PFKFB3: variants seen among roughly 807,000 people sequenced by gnomAD.
The protein encoded by PFKFB3 is 6-phosphofructo-2-kinase/fructose-2,6-bisphosphatase 3.
A neutral mutation model predicts 68.0 loss-of-function variants in PFKFB3; 33 were observed. The observed-to-expected ratio is 0.49, with a 90% CI of 0.37 to 0.65. PFKFB3 has a LOEUF of 0.65. Ranked by LOEUF, PFKFB3 falls within the 30% of genes least tolerant of loss-of-function variation. PFKFB3 has a pLI of 0.00. For synonymous variants in PFKFB3, 315 were observed against 288.2 expected (o/e 1.09, Z -0.94); for missense variants, 586 against 712.2 (o/e 0.82, Z 2.02).
chr10:6,218,087 G>C (rs1179825591), intron 6 of PFKFB3, among the ~76,000 whole-genome samples: 1 of 152,208 alleles, frequency 6.6e-6, no homozygotes, highest in African/African-American at 2.4e-5. Flanking sequence ...GATTTGTCCA[G>C]TGGGAGCAGG....
the PFKFB3 span, among the ~76,000 whole-genome samples, chr10:6,306,299 A>C: frequency 6.6e-6 from 1 of 152,248 alleles, no homozygotes; most frequent in Non-Finnish European, 1.5e-5. Flanking sequence ...AACCCTATGC[A>C]TCTATCAAAG....
At chr10:6,278,483 T>C in the PFKFB3 span, among the ~76,000 whole-genome samples, 1 of 151,526 alleles carries the variant, frequency 6.6e-6, no homozygotes, top group Admixed American at 6.6e-5. Context: ...CACCATGTTG[T>C]TCAGGCTGGT....
At chr10:6,219,457 T>C (rs928902504) in intron 6 of PFKFB3, 112 bp from the exon 7 acceptor site, 1 of 1,172,436 alleles carries the variant, frequency 8.5e-7, no homozygotes, top group East Asian at 2.4e-5. Context: ...GGCCGGATAA[T>C]CTTTATACTG....
At chr10:6,230,901 A>C (rs1845696161) in intron 14 of PFKFB3, among the ~76,000 whole-genome samples, 1 of 152,034 alleles carries the variant, frequency 6.6e-6, no homozygotes, top group East Asian at 1.9e-4. Context: ...TTTTTAGTAG[A>C]GATGGGGTTT....
At chr10:6,230,608 T>G (rs59400494) in intron 14 of PFKFB3, among the ~76,000 whole-genome samples, 2,306 of 152,072 alleles carry the variant, frequency 0.015, 56 homozygotes, top group African/African-American at 0.053. Context: ...TGGCATTGGG[T>G]CAGCCTTTGG....
At position 6,203,184 on chromosome 10, in the gene PFKFB3, CG is replaced by C. The variant is rs949346012; in HGVS notation, c.-72del. ...CACGCCCCCCTCTCCTCCTTTGTTC[CG>C]GGGGTCGGCGGCCGCTCTCCTGCCA... On this transcript the variant is annotated 5_prime_UTR_variant, in exon 1 of 15. Transcript: ENST00000379775. 11 of 1,558,306 alleles carry C rather than the reference CG, an allele frequency of 7.1e-6. No homozygotes were observed. The highest frequency in any genetic ancestry group is 1.4e-5 in the African/African-American group (1 of 72,512).
intron 2 of PFKFB3, among the ~76,000 whole-genome samples, chr10:6,214,446 G>A (rs761673407): frequency 2.6e-5 from 4 of 152,096 alleles, no homozygotes; most frequent in Non-Finnish European, 5.9e-5. Flanking sequence ...TGTTGTGGAT[G>A]ACACATTTAA....
chr10:6,279,170 A>G, the PFKFB3 span, among the ~76,000 whole-genome samples: 1 of 152,322 alleles, frequency 6.6e-6, no homozygotes, highest in East Asian at 1.9e-4. Flanking sequence ...TATCCCTCCA[A>G]TGAGGACATA....
At chr10:6,275,012 T>C in the PFKFB3 span, among the ~76,000 whole-genome samples, 1 of 152,158 alleles carries the variant, frequency 6.6e-6, no homozygotes, top group African/African-American at 2.4e-5. This position sits in a 1 kb window ranked among gnomAD's most constrained non-coding sequence, Gnocchi z 4.9. Context: ...CCACCCAAGT[T>C]TACATATTCT....
chr10:6,243,786 C>T (rs541395022), intron 14 of PFKFB3, among the ~76,000 whole-genome samples: 7 of 152,284 alleles, frequency 4.6e-5, no homozygotes, highest in African/African-American at 1.7e-4. Context: ...TGCAGTGGCA[C>T]GATTATAGCT....
intron 1 of PFKFB3, among the ~76,000 whole-genome samples, chr10:6,155,205 C>CTTTTT (rs55673645): frequency 0.016 from 2,157 of 132,334 alleles, 106 homozygotes; most frequent in Non-Finnish European, 0.026. Context: ...GAGTTTTTTT[C>CTTTTT]TTTTTTTTTT....
chr10:6,309,830 C>G, the PFKFB3 span, among the ~76,000 whole-genome samples: 1 of 152,140 alleles, frequency 6.6e-6, no homozygotes, highest in South Asian at 2.1e-4. Context: ...GATGGGTACA[C>G]CAGCTCATGA....
the PFKFB3 span, among the ~76,000 whole-genome samples, chr10:6,261,270 A>G: frequency 6.6e-6 from 1 of 152,154 alleles, no homozygotes; most frequent in African/African-American, 2.4e-5. Flanking sequence ...TCTGGATGCA[A>G]GGTCTTTCTT....
rs60958617 is a variant in PFKFB3 at position 6,245,402 on chromosome 10, T to TTTA, written c.1516-8757_1516-8755dup. Among the ~76,000 whole-genome samples the TTTA allele has an allele frequency of 5.8e-3, 850 of 147,030 alleles. 6 individuals are homozygous for TTTA. The highest frequency in any genetic ancestry group is 0.018 in the African/African-American group (724 of 39,840). ...GAGCTACTGCACCCGGCCTATTTGA[T>TTTA]TTATTATTATTATTATTATTACTAT... On this transcript the variant is annotated intron_variant, in intron 14 of 14. Coordinates refer to the PFKFB3 transcript ENST00000640683.
the PFKFB3 span, among the ~76,000 whole-genome samples, chr10:6,303,966 A>G: frequency 9.9e-5 from 15 of 152,094 alleles, no homozygotes; most frequent in Admixed American, 3.3e-4. Flanking sequence ...GCTGGACCCA[A>G]ATGAAAATGA....
the PFKFB3 span, among the ~76,000 whole-genome samples, chr10:6,274,671 A>G: frequency 1.3e-5 from 2 of 151,956 alleles, no homozygotes; most frequent in Non-Finnish European, 2.9e-5. Flanking sequence ...ACATAGTGAG[A>G]CCCCATCTAA....
upstream of PFKFB3, among the ~76,000 whole-genome samples, chr10:6,199,569 C>T (rs1843265507): frequency 6.6e-6 from 1 of 151,236 alleles, no homozygotes; most frequent in South Asian, 2.1e-4. Context: ...ACTGCAACCT[C>T]TGCCTCCTGG....
intron 1 of PFKFB3, among the ~76,000 whole-genome samples, chr10:6,179,405 T>C (rs1842639602): frequency 6.6e-6 from 1 of 152,264 alleles, no homozygotes; most frequent in Non-Finnish European, 1.5e-5. Flanking sequence ...CTCGAAGTTT[T>C]GTGATCATTA....
intron 1 of PFKFB3, among the ~76,000 whole-genome samples, chr10:6,182,630 C>G (rs938008717): frequency 6.6e-6 from 1 of 152,216 alleles, no homozygotes; most frequent in Non-Finnish European, 1.5e-5. Context: ...GGCCTCGAGG[C>G]CCCCGCCTGT....
Sources: allele counts gnomAD v4.1 joint callset (sites outside exome capture counted in the v4.1 genomes callset), GRCh38; gene constraint gnomAD v4.1.1; non-coding constraint Gnocchi (gnomAD v3.1); transcripts MANE v1.5; gene names NCBI Gene and HGNC (gene_info 2026-07-23, HGNC 2026-07-21).